Variants in KIFC1 observed in about 807,000 individuals in gnomAD.
KIFC1 encodes the protein kinesin-like protein KIFC1.
In KIFC1, 37 loss-of-function variants were observed where a neutral mutation model predicts 66.6. The ratio of observed to expected loss-of-function variants is 0.56; its 90% CI spans 0.43 to 0.73. KIFC1 has a LOEUF of 0.73. Ranked by LOEUF, KIFC1 falls within the 30% of genes least tolerant of loss-of-function variation. The pLI, the probability that KIFC1 is intolerant of heterozygous loss-of-function variation, is 0.00. For synonymous variants in KIFC1, 325 were observed against 343.5 expected (o/e 0.95, Z 0.60); for missense variants, 721 against 859.8 (o/e 0.84, Z 2.02).
At chr6:33,407,987 C>T (rs1775735640) in intron 10 of KIFC1, among the ~76,000 whole-genome samples, 1 of 152,256 alleles carries the variant, frequency 6.6e-6, no homozygotes, top group Non-Finnish European at 1.5e-5. Context: ...TAGCCAGCAC[C>T]TGCACCCTGA....
intron 1 of KIFC1, among the ~76,000 whole-genome samples, chr6:33,392,988 T>G (rs1187161456): frequency 1.3e-5 from 2 of 152,134 alleles, no homozygotes; most frequent in East Asian, 3.8e-4. Flanking sequence ...ATTATATAAC[T>G]GCCAGAAGGC....
Position 33,405,619 on chromosome 6 carries a change from C to A in KIFC1, c.1524C>A (p.Ser508=), listed in dbSNP as rs1351424942. 1.8e-5 allele frequency: 27 copies of A among 1,513,948 alleles called. 1 individual carries two copies. The highest frequency in any genetic ancestry group is 2.4e-5 in the Non-Finnish European group (27 of 1,134,988). The allele number at this position is 1,513,948 out of a possible 1,614,324, so 93.8% of individuals were successfully genotyped here. ...TVTNARYVPV[S]CEKEVDALLH... ...CCAATGCTCGATATGTCCCTGTCTC[C>A]TGTGAGAAAGAAGTGAGGACCCATG... The change falls in exon 7 of 11, where the codon TCC becomes TCA. Residue 508 remains serine (S), a synonymous_variant. Coordinates refer to ENST00000428849, the MANE Select transcript of KIFC1 (RefSeq NM_002263.4). The surrounding 1 kb of genome is among the most constrained non-coding windows in gnomAD (Gnocchi z 5.4).
Position 33,400,545 on chromosome 6 carries a change from C to T in KIFC1, c.250+2158C>T, listed in dbSNP as rs1775318132. On this transcript the variant is annotated intron_variant, in intron 3 of 10. Coordinates refer to ENST00000428849, the MANE Select transcript of KIFC1 (RefSeq NM_002263.4). The surrounding 1 kb of genome is among the most constrained non-coding windows in gnomAD (Gnocchi z 4.3). The stretch of plus-strand genomic sequence containing the variant: ...CGACCTTGATCTCGTTGGGGTCGAA[C>T]TTCGGTGGCATGGTGGAGGCAGCTG... 2.0e-6 allele frequency: 3 copies of T among 1,478,818 alleles called. No homozygotes were observed. The highest frequency in any genetic ancestry group is 2.8e-5 in the African/African-American group (2 of 72,172). 91.6% of individuals were successfully genotyped at this position (1,478,818 alleles called of 1,614,324 possible).
At chr6:33,393,067 A>G (rs1774867935) in intron 1 of KIFC1, among the ~76,000 whole-genome samples, 1 of 152,300 alleles carries the variant, frequency 6.6e-6, no homozygotes, top group East Asian at 1.9e-4. Flanking sequence ...GGCGGGTTAG[A>G]GTATTAAATA....
chr6:33,399,574 ATTG>A (rs1775274045), intron 3 of KIFC1, among the ~76,000 whole-genome samples: 2 of 152,242 alleles, frequency 1.3e-5, no homozygotes, highest in South Asian at 2.1e-4. Flanking sequence ...GCGATAGCCT[ATTG>A]TTCTTGGGCA....
rs368280718 is a variant in KIFC1, at chr6:33,401,985, G to A, written c.251-1329G>A. On this transcript the variant is annotated intron_variant, in intron 3 of 10. Coordinates refer to ENST00000428849, the MANE Select transcript of KIFC1 (RefSeq NM_002263.4). This position sits in a 1 kb window ranked among gnomAD's most constrained non-coding sequence, Gnocchi z 4.5. ...CTCCCAAAGTGCTGGGATTACAGGC[G>A]TGAGCCACAGTGCCTGGCCTGGAAT... is the stretch of plus-strand genomic sequence containing the variant. 1.7e-4 allele frequency among the ~76,000 whole-genome samples: 26 copies of A among 152,314 alleles called. No individual in the cohort carries two copies. In the East Asian group the frequency reaches 3.7e-3, roughly 21 times the overall value.
chr6:33,398,291 C>T lies in KIFC1; in HGVS notation c.154C>T (p.Arg52Trp), dbSNP rs201829505. 24 of 1,613,752 alleles carry T rather than the reference C, an allele frequency of 1.5e-5. No homozygotes were observed. Among genetic ancestry groups the T allele is most frequent in the African/African-American group, 6.7e-5 (5 of 74,836 alleles). ...CCTTGTCTTTATCTTTCCCCAGAAA[C>T]GGACAAGAGGCCTGGGTGCAACGAC... Reference protein sequence around the residue: ...MEDGLEPEKKRTRGLGATTKI... With the variant: ...MEDGLEPEKKWTRGLGATTKI... Residue 52 changes from arginine to tryptophan, a missense_variant, in exon 3 of 11, where the codon CGG becomes TGG. Transcript: ENST00000428849.
Position 33,405,018 on chromosome 6 carries a change from A to G in KIFC1, c.923A>G (p.Lys308Arg). ...CTGCACAACCAGCTGCAGGAACTCA[A>G]GGGCAACATCCGTGTATTCTGCCGG... ...RRLHNQLQELKGNIRVFCRVR... is the reference protein window; with the variant it reads ...RRLHNQLQELRGNIRVFCRVR... Residue 308 changes from lysine (K) to arginine (R), a missense_variant, in exon 7 of 11, where the codon AAG becomes AGG. Physicochemically the swap from Lys to Arg is conservative, Grantham distance 26. Coordinates refer to ENST00000428849, the MANE Select transcript of KIFC1 (RefSeq NM_002263.4). The surrounding 1 kb of genome is among the most constrained non-coding windows in gnomAD (Gnocchi z 5.4). 6.2e-7 allele frequency: 1 copy of G among 1,614,154 alleles called. No homozygotes were observed. The highest frequency in any genetic ancestry group is 8.5e-7 in the Non-Finnish European group (1 of 1,180,030).
rs996106672 is a variant in KIFC1 at position 33,403,091 on chromosome 6, T to C, written c.251-223T>C. On this transcript the variant is annotated intron_variant, in intron 3 of 10. Coordinates refer to ENST00000428849, the MANE Select transcript of KIFC1 (RefSeq NM_002263.4). The surrounding 1 kb of genome is among the most constrained non-coding windows in gnomAD (Gnocchi z 4.6). The stretch of plus-strand genomic sequence containing the variant: ...GGGCATCCTTGGATTTTGGTATTCT[T>C]GGGGGGTGCTGGAATCAACCCCTTT... Among the ~76,000 whole-genome samples, 2 of 152,168 alleles carry C rather than the reference T, an allele frequency of 1.3e-5. No homozygotes were observed. The highest frequency in any genetic ancestry group is 2.9e-5 in the Non-Finnish European group (2 of 68,006).
At chr6:33,398,244 C>T (rs1322899349) in intron 2 of KIFC1, 44 bp from the exon 3 acceptor site, 3 of 1,613,140 alleles carry the variant, frequency 1.9e-6, no homozygotes, top group East Asian at 4.5e-5. Context: ...GAGTATAAAC[C>T]ATTAGGGAGG....
At chr6:33,409,614 A>G in intron 10 of KIFC1, 32 bp from the exon 11 acceptor site, 1 of 1,610,174 alleles carries the variant, frequency 6.2e-7, no homozygotes, top group Non-Finnish European at 8.5e-7. Context: ...TTACGCTGCA[A>G]ACTTTTATCC....
At position 33,406,981 on chromosome 6, in the gene KIFC1, G is replaced by C; in HGVS notation, c.1977+106G>C. The C allele has an allele frequency of 6.6e-7, 1 of 1,516,532 alleles. No homozygotes were observed. Among genetic ancestry groups the C allele is most frequent in the African/African-American group, 1.4e-5 (1 of 71,872 alleles). The allele number at this position is 1,516,532 out of a possible 1,614,324, so 93.9% of individuals were successfully genotyped here. Reference sequence around the variant, plus strand: ...GGCAGGGAGCACATTTGTGCAGAAAGGTTTTGCAGGTATCTGAGGCACTGC... The same window carrying C: ...GGCAGGGAGCACATTTGTGCAGAAACGTTTTGCAGGTATCTGAGGCACTGC... On this transcript the variant is annotated intron_variant, in intron 10 of 10. Coordinates refer to ENST00000428849, the MANE Select transcript of KIFC1 (RefSeq NM_002263.4). The surrounding 1 kb of genome is among the most constrained non-coding windows in gnomAD (Gnocchi z 4.5).
Position 33,409,716 on chromosome 6 carries a change from T to TGTGG in KIFC1, c.*29_*30insGGTG, listed in dbSNP as rs1554300528. ...AGACGGATCCAGATCTGTGTGTGTG[T>TGTGG]GTGTGTGTGTGTGTGTGTGTGTGTG... On this transcript the variant is annotated 3_prime_UTR_variant, in exon 11 of 11. Coordinates refer to ENST00000428849, the MANE Select transcript of KIFC1 (RefSeq NM_002263.4). 2 of 944,474 alleles carry TGTGG rather than the reference T, an allele frequency of 2.1e-6. No homozygotes were observed. Among genetic ancestry groups the TGTGG allele is most frequent in the Non-Finnish European group, 3.1e-6 (2 of 655,588 alleles). 58.5% of individuals were successfully genotyped at this position (944,474 alleles called of 1,614,324 possible).
In KIFC1 at chr6:33,403,920, A is replaced by C; in HGVS notation, c.547A>C (p.Thr183Pro). 3.7e-6 allele frequency: 6 copies of C among 1,614,228 alleles called. No individual in the cohort carries two copies. In the East Asian group the frequency reaches 1.3e-4, roughly 36 times the overall value. ...DAQQQVKALG[T>P]ERTTLEGHLA... ...CCAGCAGCAGGTCAAGGCCCTGGGG[A>C]CAGAGCGCACAACACTGGAGGGGCA... Residue 183 changes from threonine to proline, a missense_variant, in exon 6 of 11, where the codon ACA (threonine) becomes CCA (proline). Transcript: ENST00000428849. This position sits in a 1 kb window ranked among gnomAD's most constrained non-coding sequence, Gnocchi z 4.6.
Position 33,406,616 on chromosome 6 carries a change from A to C in KIFC1, c.1852A>C (p.Ser618Arg). ...NKESHVPYRNSKLTYLLQNSL... is the reference protein window; with the variant it reads ...NKESHVPYRNRKLTYLLQNSL... ...GGAGTCCCACGTGCCTTACCGGAACAGCAAACTGACCTACCTGCTGCAGAA... is the reference window on the plus strand; with the variant it reads ...GGAGTCCCACGTGCCTTACCGGAACCGCAAACTGACCTACCTGCTGCAGAA... Residue 618 changes from serine (S) to arginine (R), a missense_variant, in exon 9 of 11, where the codon AGC (serine) becomes CGC (arginine). Ser to Arg is a moderately radical substitution (Grantham distance 110). Transcript: ENST00000428849. This position sits in a 1 kb window ranked among gnomAD's most constrained non-coding sequence, Gnocchi z 4.5. 6.2e-7 allele frequency: 1 copy of C among 1,614,134 alleles called. No individual in the cohort carries two copies. Among genetic ancestry groups the C allele is most frequent in the Non-Finnish European group, 8.5e-7 (1 of 1,180,018 alleles).
At position 33,400,440 on chromosome 6, in the gene KIFC1, T is replaced by G. The variant is rs1212686149; in HGVS notation, c.250+2053T>G. 2 of 1,603,756 alleles carry G rather than the reference T, an allele frequency of 1.2e-6. No individual in the cohort carries two copies. The highest frequency in any genetic ancestry group is 2.7e-5 in the African/African-American group (2 of 74,662). On this transcript the variant is annotated intron_variant, in intron 3 of 10. Coordinates refer to ENST00000428849, the MANE Select transcript of KIFC1 (RefSeq NM_002263.4). The surrounding 1 kb of genome is among the most constrained non-coding windows in gnomAD (Gnocchi z 4.3). The stretch of plus-strand genomic sequence containing the variant: ...TGGCAATGTCATCACCAACCTTTTT[T>G]GGAGACAGACCCAGGGGGCCGATCT...
rs1775651274 is a variant in KIFC1, at chr6:33,406,327, G to A, written c.1668G>A (p.Gln556=). The part of the protein sequence containing the change: ...ISGEHSSRGL[Q]CGAPLSLVDL... ...GGGAGCACTCCAGCCGAGGCCTGCA[G>A]TGTGGGGCCCCCCTCAGTCTTGTGG... Residue 556 remains glutamine, a synonymous_variant, in exon 8 of 11, where the codon CAG becomes CAA. Coordinates refer to ENST00000428849, the MANE Select transcript of KIFC1 (RefSeq NM_002263.4). This position sits in a 1 kb window ranked among gnomAD's most constrained non-coding sequence, Gnocchi z 4.5. 1 of 1,614,264 alleles carries A rather than the reference G, an allele frequency of 6.2e-7. No individual in the cohort carries two copies. The highest frequency in any genetic ancestry group is 1.1e-5 in the South Asian group (1 of 91,092).
At chr6:33,409,527 G>A (rs1581928343) in intron 10 of KIFC1, 119 bp from the exon 11 acceptor site, 1 of 988,820 alleles carries the variant, frequency 1.0e-6, no homozygotes, top group Non-Finnish European at 1.6e-6. Context: ...ACCAGCCTTT[G>A]GAGGCCTTAT....
At chr6:33,407,191 T>G in intron 10 of KIFC1, 1 of 667,946 alleles carries the variant, frequency 1.5e-6, no homozygotes, top group Non-Finnish European at 2.2e-6. Context: ...GGAGGATTGC[T>G]TGAGCCCAGG....
Sources: gnomAD v4.1 joint callset for allele counts (sites outside exome capture counted in the v4.1 genomes callset) on GRCh38, gnomAD v4.1.1 for gene constraint, Gnocchi (gnomAD v3.1) non-coding constraint, MANE v1.5 for transcripts, NCBI Gene and HGNC (gene_info 2026-07-23, HGNC 2026-07-21) for gene names.